The following VRK2 variants were observed in gnomAD, a reference collection of about 807,000 sequenced individuals.
The protein encoded by VRK2 is serine/threonine-protein kinase VRK2.
Under a neutral mutation model 57.6 loss-of-function variants are expected in VRK2, and 60 were observed. The observed-to-expected ratio is 1.04, with a 90% confidence interval of 0.85 to 1.29. VRK2 has a LOEUF of 1.29. Ranked by LOEUF, VRK2 falls within the 50% of genes most tolerant of loss-of-function variation. VRK2 has a pLI of 0.00. For missense variants in VRK2, 705 were observed against 588.1 expected, an observed-to-expected ratio of 1.20 and a Z score of -2.06; for synonymous variants, 231 against 199.2, an observed-to-expected ratio of 1.16 and a Z score of -1.35.
intron 1 of VRK2, among the ~76,000 whole-genome samples, chr2:57,966,085 C>T (rs1274113643): frequency 3.3e-5 from 5 of 152,186 alleles, no homozygotes; most frequent in Non-Finnish European, 7.3e-5. Flanking sequence ...CCTGCTACTA[C>T]TCCATAGATG....
rs1168061651 is a variant in VRK2, at chr2:58,086,277, A to C, written c.257-62A>C. The C allele has an allele frequency of 3.5e-6, 5 of 1,416,584 alleles. No individual in the cohort carries two copies. In the African/African-American group the frequency reaches 7.3e-5, roughly 21 times the overall value. 87.8% of individuals were successfully genotyped at this position (1,416,584 alleles called of 1,614,324 possible). A position where few individuals can be genotyped will look rare whatever the true frequency, so the allele number is the denominator to read the frequency against. On this transcript the variant is annotated intron_variant, in intron 4 of 12. Coordinates refer to ENST00000340157, the MANE Select transcript of VRK2 (RefSeq NM_006296.7). ...GTTAGCTAAATAAATTTGTCTGTAG[A>C]AAGGTGACAAGTATCTTTTCAAATA...
At chr2:58,154,675 AT>A in intron 12 of VRK2, 1 of 711,314 alleles carries the variant, frequency 1.4e-6, no homozygotes, top group Non-Finnish European at 2.6e-6. Flanking sequence ...GGGTCTTTAA[AT>A]TTTAAAGCAT....
At chr2:58,068,500 A>G (rs762334889) in intron 2 of VRK2, among the ~76,000 whole-genome samples, 4 of 151,996 alleles carry the variant, frequency 2.6e-5, no homozygotes, top group Non-Finnish European at 5.9e-5. Flanking sequence ...GTGTCTGGGC[A>G]TTGATTTCTT....
intron 2 of VRK2, among the ~76,000 whole-genome samples, chr2:58,074,576 C>T (rs1439448261): frequency 6.6e-6 from 1 of 152,108 alleles, no homozygotes; most frequent in African/African-American, 2.4e-5. Context: ...TAATTATTCT[C>T]TCCTGTCTCT....
chr2:57,974,178 T>G (rs1672177022), intron 1 of VRK2, among the ~76,000 whole-genome samples: 2 of 152,032 alleles, frequency 1.3e-5, no homozygotes, highest in Admixed American at 6.6e-5. Context: ...TTTATATTTA[T>G]TTAAAGCTAT....
At chr2:58,097,624 A>G (rs1460455163) in intron 7 of VRK2, among the ~76,000 whole-genome samples, 4 of 152,278 alleles carry the variant, frequency 2.6e-5, no homozygotes, top group African/African-American at 4.8e-5. Context: ...CACATATACA[A>G]CAGTGGTCCT....
At chr2:58,111,350 ATC>A (rs1439694315) in intron 7 of VRK2, among the ~76,000 whole-genome samples, 10 of 152,168 alleles carry the variant, frequency 6.6e-5, no homozygotes, top group African/African-American at 2.2e-4. Context: ...TAATAGAAAA[ATC>A]TCTGTGTCAA....
intron 1 of VRK2, among the ~76,000 whole-genome samples, chr2:57,980,057 G>C (rs542182082): frequency 2.6e-4 from 40 of 152,042 alleles, no homozygotes; most frequent in South Asian, 1.9e-3. Context: ...TTTGATTTTG[G>C]TTATTTCTTT....
intron 2 of VRK2, among the ~76,000 whole-genome samples, chr2:58,032,340 G>A (rs192484719): frequency 4.6e-5 from 7 of 152,170 alleles, no homozygotes; most frequent in Admixed American, 3.9e-4. Context: ...CAGTTCTGGA[G>A]GGTGAGAACT....
intron 7 of VRK2, among the ~76,000 whole-genome samples, chr2:58,100,921 A>G (rs1264404214): frequency 1.3e-5 from 2 of 151,722 alleles, no homozygotes; most frequent in African/African-American, 4.8e-5. Flanking sequence ...AATCAAATGC[A>G]TTTTTTAGGT....
chr2:58,009,139 T>C (rs1006007452), intron 1 of VRK2, among the ~76,000 whole-genome samples: 5 of 152,160 alleles, frequency 3.3e-5, no homozygotes, highest in Admixed American at 3.3e-4. Flanking sequence ...GGGGACACTT[T>C]GAAATGGTAG....
chr2:57,999,536 G>A (rs1673026614), intron 1 of VRK2, among the ~76,000 whole-genome samples: 1 of 152,024 alleles, frequency 6.6e-6, no homozygotes, highest in Non-Finnish European at 1.5e-5. Context: ...ATAATTCACA[G>A]CTTTATCTTT....
At chr2:58,051,480 A>T (rs2103802067) in intron 2 of VRK2, among the ~76,000 whole-genome samples, 1 of 152,342 alleles carries the variant, frequency 6.6e-6, no homozygotes, top group East Asian at 1.9e-4. Context: ...AATCAATATG[A>T]AATTACATCA....
intron 10 of VRK2, among the ~76,000 whole-genome samples, chr2:58,139,367 A>G (rs1213002158): frequency 6.6e-6 from 1 of 152,110 alleles, no homozygotes; most frequent in Non-Finnish European, 1.5e-5. Flanking sequence ...CACCTCATAA[A>G]TCAAAATCAC....
chr2:58,133,052 A>C (rs560527204), intron 9 of VRK2, among the ~76,000 whole-genome samples: 1 of 152,280 alleles, frequency 6.6e-6, no homozygotes, highest in East Asian at 1.9e-4. Flanking sequence ...TAGTTTACCT[A>C]ATTAGAATAC....
intron 1 of VRK2, among the ~76,000 whole-genome samples, chr2:57,950,579 A>G (rs1038366280): frequency 2.0e-5 from 3 of 152,298 alleles, no homozygotes; most frequent in African/African-American, 7.2e-5. Flanking sequence ...CAAGAACTCA[A>G]TGGAGATGTA....
intron 8 of VRK2, among the ~76,000 whole-genome samples, chr2:58,130,196 C>T (rs1178916885): frequency 6.6e-6 from 1 of 152,142 alleles, no homozygotes; most frequent in Non-Finnish European, 1.5e-5. Context: ...TTGTGTGTAG[C>T]TTATATCATC....
At chr2:57,950,677 A>C (rs1010173528) in intron 1 of VRK2, among the ~76,000 whole-genome samples, 7 of 152,226 alleles carry the variant, frequency 4.6e-5, no homozygotes, top group Non-Finnish European at 1.0e-4. Context: ...ATTTCAAGTC[A>C]TTATTTAAGA....
intron 1 of VRK2, among the ~76,000 whole-genome samples, chr2:57,924,731 C>T (rs1670474959): frequency 6.6e-6 from 1 of 151,968 alleles, no homozygotes; most frequent in African/African-American, 2.4e-5. Flanking sequence ...CTAGCCTTTC[C>T]AGTAATACGT....
Sources: allele counts gnomAD v4.1 joint callset (sites outside exome capture counted in the v4.1 genomes callset), GRCh38; gene constraint gnomAD v4.1.1; transcripts MANE v1.5; gene names NCBI Gene and HGNC (gene_info 2026-07-23, HGNC 2026-07-21).